The following VWC2L variants were observed in gnomAD, a reference collection of about 807,000 sequenced individuals.
The protein encoded by VWC2L is von Willebrand factor C domain-containing protein 2-like.
VWC2L carries 10 observed loss-of-function variants against 21.6 expected under a neutral mutation model. The ratio of observed to expected loss-of-function variants is 0.46; its 90% CI spans 0.29 to 0.78. The LOEUF (loss-of-function observed/expected upper bound fraction) is 0.78. VWC2L is among the 30% of genes least tolerant of loss of function. VWC2L has a pLI of 0.10. For synonymous variants in VWC2L, 96 were observed against 94.3 expected, an observed-to-expected ratio of 1.02 and a Z score of -0.10; for missense variants, 209 against 277.1, an observed-to-expected ratio of 0.75 and a Z score of 1.74.
chr2:214,564,432 C>A (rs189704348), intron 3 of VWC2L, among the ~76,000 whole-genome samples: 1 of 151,830 alleles, frequency 6.6e-6, no homozygotes, highest in East Asian at 1.9e-4. Context: ...TACAAGGCAA[C>A]AGTAACCAAA....
chr2:214,545,199 T>C (rs1324786488), intron 3 of VWC2L, among the ~76,000 whole-genome samples: 3 of 152,162 alleles, frequency 2.0e-5, no homozygotes, highest in African/African-American at 7.2e-5. Context: ...TAAAAATATT[T>C]TGCAAATAGA....
intron 3 of VWC2L, chr2:214,472,190 A>G (rs756966635): frequency 2.7e-4 from 41 of 152,322 alleles, no homozygotes; most frequent in Non-Finnish European, 1.6e-4. Context: ...AGATTCCTGC[A>G]GCAATGCCCC....
intron 3 of VWC2L, among the ~76,000 whole-genome samples, chr2:214,439,704 T>G (rs949358740): frequency 6.6e-6 from 1 of 151,894 alleles, no homozygotes; most frequent in African/African-American, 2.4e-5. Flanking sequence ...AAAATATGAT[T>G]TAAACTTTAT....
At chr2:214,501,181 A>G (rs1449092170) in intron 3 of VWC2L, among the ~76,000 whole-genome samples, 1 of 152,154 alleles carries the variant, frequency 6.6e-6, no homozygotes, top group Non-Finnish European at 1.5e-5. Flanking sequence ...GAACAAGTAC[A>G]CTCCCAAGCG....
intron 3 of VWC2L, among the ~76,000 whole-genome samples, chr2:214,460,170 A>T (rs999615730): frequency 2.0e-5 from 3 of 152,042 alleles, no homozygotes; most frequent in African/African-American, 7.2e-5. Flanking sequence ...TAAAATCCTG[A>T]GATCACAGGC....
At chr2:214,493,304 A>G (rs1688769800) in intron 3 of VWC2L, among the ~76,000 whole-genome samples, 1 of 152,218 alleles carries the variant, frequency 6.6e-6, no homozygotes, top group Non-Finnish European at 1.5e-5. Flanking sequence ...CACAGATGCT[A>G]CTTGATTAGG....
At chr2:214,436,838 A>G (rs1412988090) in intron 3 of VWC2L, 80 bp downstream of exon 3, 1 of 1,532,288 alleles carries the variant, frequency 6.5e-7, no homozygotes, top group African/African-American at 1.4e-5. Flanking sequence ...CATTCAATGC[A>G]AGACCCCTCT....
chr2:214,561,809 TAC>T (rs1267186355), intron 3 of VWC2L, among the ~76,000 whole-genome samples: 38 of 127,154 alleles, frequency 3.0e-4, no homozygotes, highest in African/African-American at 1.2e-3. Flanking sequence ...TATATATATA[TAC>T]ACACACATAT....
At chr2:214,550,548 C>T (rs552656968) in intron 3 of VWC2L, among the ~76,000 whole-genome samples, 20 of 152,116 alleles carry the variant, frequency 1.3e-4, no homozygotes, top group African/African-American at 4.3e-4. Context: ...TTGTTTTCTC[C>T]GTCTCAGGGA....
chr2:214,417,283 G>A (rs1250982881), intron 2 of VWC2L, among the ~76,000 whole-genome samples: 1 of 152,160 alleles, frequency 6.6e-6, no homozygotes, highest in Non-Finnish European at 1.5e-5. Flanking sequence ...ACAATTGAAA[G>A]TAGGATATCT....
chr2:214,534,869 T>C (rs1195468146), intron 3 of VWC2L, among the ~76,000 whole-genome samples: 8 of 152,086 alleles, frequency 5.3e-5, no homozygotes, highest in Admixed American at 3.9e-4. Context: ...TTTTAAGCAG[T>C]GTTCTTGTAA....
chr2:214,545,682 A>G (rs879931923), intron 3 of VWC2L, among the ~76,000 whole-genome samples: 14 of 152,306 alleles, frequency 9.2e-5, no homozygotes, highest in Non-Finnish European at 1.9e-4. Context: ...GTATTTGTCA[A>G]TTTCAACCAC....
intron 3 of VWC2L, among the ~76,000 whole-genome samples, chr2:214,564,619 G>A (rs1326536172): frequency 6.6e-6 from 1 of 152,076 alleles, no homozygotes; most frequent in Non-Finnish European, 1.5e-5. Context: ...GCTTTGTTTG[G>A]CCTTCCTGTG....
chr2:214,498,767 A>T (rs1156383683), intron 3 of VWC2L, among the ~76,000 whole-genome samples: 1 of 149,362 alleles, frequency 6.7e-6, no homozygotes, highest in Non-Finnish European at 1.5e-5. Context: ...TATTATACAT[A>T]CATGTATTTT....
chr2:214,575,043 A>G (rs932739934), intron 3 of VWC2L, among the ~76,000 whole-genome samples: 2 of 151,236 alleles, frequency 1.3e-5, no homozygotes, highest in African/African-American at 2.4e-5. Context: ...TTAAAAAAAA[A>G]AAAAAAAAAA....
chr2:214,515,475 C>T (rs1689126389), intron 3 of VWC2L, among the ~76,000 whole-genome samples: 1 of 152,206 alleles, frequency 6.6e-6, no homozygotes, highest in Admixed American at 6.5e-5. Flanking sequence ...GGGACAGCTG[C>T]TTCATTTCCC....
chr2:214,463,232 A>T (rs1703167154), intron 3 of VWC2L, among the ~76,000 whole-genome samples: 2 of 152,080 alleles, frequency 1.3e-5, no homozygotes, highest in African/African-American at 4.8e-5. Flanking sequence ...ACTATATTTG[A>T]ATTTGTCTAT....
intron 1 of VWC2L, among the ~76,000 whole-genome samples, chr2:214,412,252 C>T (rs141490525): frequency 3.3e-5 from 5 of 152,176 alleles, no homozygotes; most frequent in Non-Finnish European, 7.4e-5. Context: ...GCCTATGTCC[C>T]TTTGAAGCAG....
intron 2 of VWC2L, among the ~76,000 whole-genome samples, chr2:214,430,962 C>T (rs1409874148): frequency 3.9e-5 from 6 of 152,110 alleles, no homozygotes; most frequent in Admixed American, 2.6e-4. Context: ...TAGAGCAGAT[C>T]GCTGAAGAGG....
Sources: gnomAD v4.1 joint callset for allele counts (sites outside exome capture counted in the v4.1 genomes callset) on GRCh38, gnomAD v4.1.1 for gene constraint, MANE v1.5 for transcripts, NCBI Gene and HGNC (gene_info 2026-07-23, HGNC 2026-07-21) for gene names.